PDSS2: variants seen among roughly 807,000 people sequenced by gnomAD.
PDSS2 encodes the protein all trans-polyprenyl-diphosphate synthase PDSS2.
In PDSS2, 31 loss-of-function variants were observed where a neutral mutation model predicts 44.5. The observed-to-expected ratio is 0.70, with a 90% CI of 0.52 to 0.94. PDSS2 has a LOEUF of 0.94. Ranked by LOEUF, PDSS2 falls within the 40% of genes least tolerant of loss-of-function variation. The pLI, the probability that PDSS2 is intolerant of heterozygous loss-of-function variation, is 0.00. For synonymous variants in PDSS2, 157 were observed against 180.3 expected, an observed-to-expected ratio of 0.87 and a Z score of 1.03; for missense variants, 452 against 482.2, an observed-to-expected ratio of 0.94 and a Z score of 0.59.
chr6:107,263,446 G>GAA (rs779892021), intron 3 of PDSS2, among the ~76,000 whole-genome samples: 1 of 130,294 alleles, frequency 7.7e-6, no homozygotes. Flanking sequence ...GAGCAAGACT[G>GAA]AAAAAAAAAA....
chr6:107,311,067 ACCACCACG>A (rs1293400770), intron 2 of PDSS2, among the ~76,000 whole-genome samples: 1 of 151,792 alleles, frequency 6.6e-6, no homozygotes, highest in Non-Finnish European at 1.5e-5. Context: ...ACAGGTGCAC[ACCACCACG>A]CCCAGCTAAT....
intron 1 of PDSS2, among the ~76,000 whole-genome samples, chr6:107,421,055 A>G (rs560910273): frequency 1.3e-5 from 2 of 152,332 alleles, no homozygotes; most frequent in African/African-American, 4.8e-5. Context: ...TCATCTTACC[A>G]ATGAGGATGT....
chr6:107,412,421 G>A (rs1780534061), intron 1 of PDSS2, among the ~76,000 whole-genome samples: 1 of 151,286 alleles, frequency 6.6e-6, no homozygotes, highest in Admixed American at 6.6e-5. Context: ...TATATTTTTA[G>A]TAGAGACGAG....
intron 2 of PDSS2, among the ~76,000 whole-genome samples, chr6:107,295,997 G>A (rs895134136): frequency 1.3e-5 from 2 of 152,192 alleles, no homozygotes; most frequent in African/African-American, 4.8e-5. Flanking sequence ...TTTTGTCAAT[G>A]AGAAGTGAGT....
chr6:107,217,885 T>TA (rs1314249943), intron 4 of PDSS2, among the ~76,000 whole-genome samples: 2 of 152,232 alleles, frequency 1.3e-5, no homozygotes, highest in Non-Finnish European at 2.9e-5. Flanking sequence ...TGTAAGTCTC[T>TA]ACAAGCCTGG....
chr6:107,412,769 T>C (rs2114660687), intron 1 of PDSS2, among the ~76,000 whole-genome samples: 1 of 152,356 alleles, frequency 6.6e-6, no homozygotes, highest in South Asian at 2.1e-4. Flanking sequence ...TCTAAGGTTA[T>C]AATTAAATTC....
chr6:107,341,332 C>T lies in PDSS2; in HGVS notation c.297-7000G>A, dbSNP rs528680682. Among the ~76,000 whole-genome samples the T allele has an allele frequency of 3.3e-5, 5 of 152,026 alleles. No homozygotes were observed. In the South Asian group the frequency reaches 1.0e-3, roughly 32 times the overall value. ...TGTTTGCTGGAGGTGATAATGCTAC[C>T]GTTAGTAGAGATTGGAAAGAAGGAG... On this transcript the variant is annotated intron_variant, in intron 1 of 7. Coordinates refer to ENST00000369037, the MANE Select transcript of PDSS2 (RefSeq NM_020381.4).
At chr6:107,210,622 T>G in intron 5 of PDSS2, 52 bp from the exon 6 acceptor site, 1 of 1,219,188 alleles carries the variant, frequency 8.2e-7, no homozygotes, top group Non-Finnish European at 1.2e-6. Context: ...TACACTAGTA[T>G]GTTTTAGTTA....
At chr6:107,374,203 G>A (rs1337481299) in intron 1 of PDSS2, among the ~76,000 whole-genome samples, 8 of 139,066 alleles carry the variant, frequency 5.8e-5, no homozygotes, top group African/African-American at 1.3e-4. Flanking sequence ...GCAGTGAGCC[G>A]AGATTGCACC....
intron 7 of PDSS2, among the ~76,000 whole-genome samples, chr6:107,166,633 G>C (rs1331936592): frequency 6.6e-6 from 1 of 152,084 alleles, no homozygotes; most frequent in Non-Finnish European, 1.5e-5. Context: ...CAAAGTGCTG[G>C]GATTATAGGC....
At position 107,420,932 on chromosome 6, in the gene PDSS2, T is replaced by C. The variant is rs188005965; in HGVS notation, c.296+38058A>G. 4.6e-5 allele frequency among the ~76,000 whole-genome samples: 7 copies of C among 152,172 alleles called. No individual in the cohort carries two copies. The East Asian group carries it at 1.2e-3, about 25-fold the overall frequency. On this transcript the variant is annotated intron_variant, in intron 1 of 7. Coordinates refer to ENST00000369037, the MANE Select transcript of PDSS2 (RefSeq NM_020381.4). ...ATGAGCCACATACTAGAAGAAAATATTTGCAAATTTTATATCCAAAGGACT... is the reference window on the plus strand; with the variant it reads ...ATGAGCCACATACTAGAAGAAAATACTTGCAAATTTTATATCCAAAGGACT...
intron 7 of PDSS2, among the ~76,000 whole-genome samples, chr6:107,173,572 CAAA>C (rs71012783): frequency 5.7e-3 from 235 of 41,472 alleles, no homozygotes; most frequent in African/African-American, 0.029. Flanking sequence ...GACTCTGTCT[CAAA>C]AAAAAAAAAA....
At chr6:107,165,225 A>G (rs1404064322) in intron 7 of PDSS2, among the ~76,000 whole-genome samples, 1 of 152,264 alleles carries the variant, frequency 6.6e-6, no homozygotes, top group Non-Finnish European at 1.5e-5. Context: ...TGTTTTAGAC[A>G]TGAAGTCCTT....
At chr6:107,377,269 C>T (rs922503148) in intron 1 of PDSS2, among the ~76,000 whole-genome samples, 3 of 152,076 alleles carry the variant, frequency 2.0e-5, no homozygotes, top group East Asian at 1.9e-4. Context: ...ATTTATGCAG[C>T]CAAAACACAC....
At chr6:107,184,184 G>A (rs1197648802) in intron 7 of PDSS2, among the ~76,000 whole-genome samples, 1 of 152,112 alleles carries the variant, frequency 6.6e-6, no homozygotes, top group Non-Finnish European at 1.5e-5. Context: ...AGAAAACACA[G>A]CAACAACTGT....
In PDSS2 at chr6:107,239,634, C is replaced by CTTTT. The variant is rs1177940710; in HGVS notation, c.702+5910_702+5913dup. Among the ~76,000 whole-genome samples the CTTTT allele has an allele frequency of 2.1e-3, 158 of 76,944 alleles. 2 individuals are homozygous for CTTTT. The highest frequency in any genetic ancestry group is 2.6e-3 in the African/African-American group (50 of 18,898). The allele number at this position is 76,944 out of a possible 152,430, so 50.5% of individuals were successfully genotyped here. ...ATTATTTAATAAACATGTACTCTAC[C>CTTTT]TTTTTTTTTTTTTTTTTTTTTTTTT... On this transcript the variant is annotated intron_variant, in intron 4 of 7. Transcript: ENST00000369037.
intron 6 of PDSS2, among the ~76,000 whole-genome samples, chr6:107,209,723 C>T (rs1023599009): frequency 6.6e-6 from 1 of 151,994 alleles, no homozygotes; most frequent in African/African-American, 2.4e-5. Context: ...CACCCATGCT[C>T]TCTCCTTTAA....
At chr6:107,457,943 T>C (rs1249033227) in intron 1 of PDSS2, among the ~76,000 whole-genome samples, 1 of 152,114 alleles carries the variant, frequency 6.6e-6, no homozygotes, top group Non-Finnish European at 1.5e-5. Context: ...AAAAGGATCG[T>C]GATGTATGCA....
chr6:107,449,383 A>G (rs894674068), intron 1 of PDSS2, among the ~76,000 whole-genome samples: 12 of 152,212 alleles, frequency 7.9e-5, no homozygotes, highest in Non-Finnish European at 1.3e-4. Context: ...TGTATAACCA[A>G]TCTCCAGAAC....
Sources: allele counts gnomAD v4.1 joint callset (sites outside exome capture counted in the v4.1 genomes callset), GRCh38; gene constraint gnomAD v4.1.1; transcripts MANE v1.5; gene names NCBI Gene and HGNC (gene_info 2026-07-23, HGNC 2026-07-21).